Variants in NEDD4 observed in about 807,000 individuals in gnomAD.
NEDD4 encodes the protein E3 ubiquitin-protein ligase NEDD4.
NEDD4 carries 99 observed loss-of-function variants against 144.9 expected under a neutral mutation model. That is an observed-to-expected ratio of 0.68 (90% CI 0.58 to 0.81). The LOEUF (loss-of-function observed/expected upper bound fraction) is 0.81. NEDD4 is among the 30% of genes least tolerant of loss of function. The pLI is 0.00. For missense variants in NEDD4, 985 were observed against 1,065.9 expected (o/e 0.92, Z 1.06); for synonymous variants, 318 against 350.6 (o/e 0.91, Z 1.04).
intron 5 of NEDD4, among the ~76,000 whole-genome samples, chr15:55,882,673 G>A (rs1452048287): frequency 1.3e-5 from 2 of 152,162 alleles, no homozygotes; most frequent in African/African-American, 4.8e-5. Context: ...GGGGGCAGGT[G>A]ATCTAGTGAG....
In NEDD4 at chr15:55,869,673, G is replaced by C. The variant is rs1566922322; in HGVS notation, c.413C>G (p.Ser138Ter). 3 of 1,531,970 alleles carry C rather than the reference G, an allele frequency of 2.0e-6. No homozygotes were observed. The highest frequency in any genetic ancestry group is 2.7e-6 in the Non-Finnish European group (3 of 1,126,264). The allele number at this position is 1,531,970 out of a possible 1,614,324, so 94.9% of individuals were successfully genotyped here. Reference sequence around the variant, plus strand: ...TAGTCTCAGATAACCTTTAACTCTTGATTTGTGACTGTAGAAAAGAAAATA... The same window carrying C: ...TAGTCTCAGATAACCTTTAACTCTTCATTTGTGACTGTAGAAAAGAAAATA... Reference protein sequence around the residue: ...DFVLHPRSHKSRVKGYLRLKM... With the variant: ...DFVLHPRSHK The change falls in exon 8 of 29, where the codon TCA becomes TGA. Residue 138 changes from serine to a stop codon, truncating the protein, a stop_gained. Coordinates refer to ENST00000435532, the MANE Select transcript of NEDD4 (RefSeq NM_006154.4). LOFTEE classifies it high-confidence loss of function.
rs111633137 is a variant in NEDD4 at position 55,911,535 on chromosome 15, T to A, written c.291+13111A>T. 2.6e-3 allele frequency among the ~76,000 whole-genome samples: 394 copies of A among 150,418 alleles called. 5 individuals are homozygous for A. Among genetic ancestry groups the A allele is most frequent in the Non-Finnish European group, 9.6e-4 (65 of 67,440 alleles). On this transcript the variant is annotated intron_variant, in intron 5 of 28. Transcript: ENST00000435532. ...CATCACATATTAGACTGAAAAAAAATTTTTTTTTTTTTGAGACGGGGTTTC... is the reference window on the plus strand; with the variant it reads ...CATCACATATTAGACTGAAAAAAAAATTTTTTTTTTTTGAGACGGGGTTTC...
chr15:55,841,000 C>G (rs1346688281), intron 19 of NEDD4, among the ~76,000 whole-genome samples: 3 of 144,530 alleles, frequency 2.1e-5, no homozygotes, highest in Non-Finnish European at 3.1e-5. Flanking sequence ...ATGACACGGT[C>G]ACAGCTCACT....
chr15:55,834,383 A>C (rs188699559), intron 24 of NEDD4, 97 bp from the exon 25 acceptor site: 31 of 705,332 alleles, frequency 4.4e-5, no homozygotes, highest in Admixed American at 1.6e-4. Flanking sequence ...CCACATCCAC[A>C]CAAGTTTCTA....
At chr15:55,929,968 A>T (rs2036748820) in intron 4 of NEDD4, among the ~76,000 whole-genome samples, 1 of 152,178 alleles carries the variant, frequency 6.6e-6, no homozygotes, top group Non-Finnish European at 1.5e-5. Context: ...GTGCTTTAAG[A>T]AAAATTTGTG....
intron 1 of NEDD4, among the ~76,000 whole-genome samples, chr15:55,989,790 T>A (rs530492610): frequency 6.6e-6 from 1 of 151,954 alleles, no homozygotes; most frequent in East Asian, 1.9e-4. Context: ...GCTGGAAGAG[T>A]AGGTGCTAGG....
intron 3 of NEDD4, 25 bp downstream of exon 3, chr15:55,951,486 A>G: frequency 2.0e-6 from 3 of 1,479,406 alleles, no homozygotes; most frequent in Non-Finnish European, 1.8e-6. Flanking sequence ...TACATTAAAA[A>G]CTTTTGAATA....
At chr15:55,848,627 G>A in intron 15 of NEDD4, 52 bp from the exon 16 acceptor site, 1 of 1,502,878 alleles carries the variant, frequency 6.7e-7, no homozygotes, top group Non-Finnish European at 9.2e-7. Context: ...GTAGATGAAT[G>A]GATAGAAAAA....
chr15:55,869,860 T>C (rs1255723875), intron 7 of NEDD4, among the ~76,000 whole-genome samples, 179 bp from the exon 8 acceptor site: 4 of 143,306 alleles, frequency 2.8e-5, no homozygotes, highest in Non-Finnish European at 6.1e-5. Flanking sequence ...AAGGCAAACA[T>C]ATATAAATAA....
chr15:55,904,949 G>A (rs578246709), intron 5 of NEDD4, among the ~76,000 whole-genome samples: 3 of 151,850 alleles, frequency 2.0e-5, no homozygotes, highest in South Asian at 2.1e-4. Flanking sequence ...AAAATTAGCC[G>A]GGTACGGTGG....
chr15:55,840,371 A>T, intron 21 of NEDD4, 76 bp downstream of exon 21: 1 of 1,324,282 alleles, frequency 7.6e-7, no homozygotes, highest in Non-Finnish European at 1.0e-6. Context: ...CCATGTCATT[A>T]AAAGCAAATT....
chr15:55,993,597 C>T lies in NEDD4; in HGVS notation c.-42G>A, dbSNP rs2038026502. On this transcript the variant is annotated 5_prime_UTR_variant, in exon 1 of 29. Coordinates refer to ENST00000435532, the MANE Select transcript of NEDD4 (RefSeq NM_006154.4). Reference sequence around the variant, plus strand: ...CAAACCGGACGCGCTCGCCCCCGCCCAGGGCAGGCAACTGTGGAGGAGGAG... The same window carrying T: ...CAAACCGGACGCGCTCGCCCCCGCCTAGGGCAGGCAACTGTGGAGGAGGAG... 6.3e-7 allele frequency: 1 copy of T among 1,583,742 alleles called. No homozygotes were observed. Among genetic ancestry groups the T allele is most frequent in the Non-Finnish European group, 8.6e-7 (1 of 1,168,412 alleles).
intron 5 of NEDD4, among the ~76,000 whole-genome samples, chr15:55,880,452 A>AAG (rs148529539): frequency 0.066 from 10,080 of 152,276 alleles, 434 homozygotes; most frequent in Non-Finnish European, 0.098. Flanking sequence ...ACAAACCTGA[A>AAG]ATATAAGAGA....
intron 24 of NEDD4, among the ~76,000 whole-genome samples, chr15:55,836,603 G>A (rs1186199466): frequency 1.3e-5 from 2 of 152,112 alleles, no homozygotes; most frequent in Non-Finnish European, 1.5e-5. Context: ...TTGGCTCACT[G>A]CAACCTCTGC....
At chr15:55,986,287 G>C (rs1319766952) in intron 1 of NEDD4, among the ~76,000 whole-genome samples, 1 of 152,144 alleles carries the variant, frequency 6.6e-6, no homozygotes. Flanking sequence ...TAGGATATTG[G>C]CATAATCTTA....
chr15:55,889,214 C>T (rs1413627938), intron 5 of NEDD4, among the ~76,000 whole-genome samples: 1 of 152,138 alleles, frequency 6.6e-6, no homozygotes, highest in Admixed American at 6.5e-5. Context: ...AATCTCACTA[C>T]TAGGTATATG....
At chr15:55,968,880 G>A (rs1414070955) in intron 1 of NEDD4, among the ~76,000 whole-genome samples, 1 of 152,186 alleles carries the variant, frequency 6.6e-6, no homozygotes, top group African/African-American at 2.4e-5. Context: ...GGAGCAAGAT[G>A]GCTCATTAGA....
At chr15:55,906,591 T>A (rs531739729) in intron 5 of NEDD4, among the ~76,000 whole-genome samples, 4 of 149,862 alleles carry the variant, frequency 2.7e-5, no homozygotes, top group South Asian at 2.1e-4. Context: ...ATGAGAACAC[T>A]TGGACACAAG....
chr15:55,885,086 G>C (rs928941259), intron 5 of NEDD4, among the ~76,000 whole-genome samples: 5 of 152,284 alleles, frequency 3.3e-5, no homozygotes, highest in Middle Eastern at 6.8e-3. Flanking sequence ...TGGAATTCCA[G>C]TACATCAGGA....
Sources: gnomAD v4.1 joint callset for allele counts (sites outside exome capture counted in the v4.1 genomes callset) on GRCh38, gnomAD v4.1.1 for gene constraint, MANE v1.5 for transcripts, NCBI Gene and HGNC (gene_info 2026-07-23, HGNC 2026-07-21) for gene names.